Variants in CCDC9B observed in about 807,000 individuals in gnomAD.
The protein encoded by CCDC9B is coiled-coil domain containing 9B.
Under a neutral mutation model 47.2 loss-of-function variants are expected in CCDC9B, and 40 were observed. The observed-to-expected ratio is 0.85, with a 90% CI of 0.66 to 1.10. The LOEUF (loss-of-function observed/expected upper bound fraction) is 1.10, where lower values mean the gene tolerates loss of function less well. CCDC9B is among the 50% of genes least tolerant of loss of function. The pLI is 0.00. For missense variants in CCDC9B, 662 were observed against 651.0 expected, an observed-to-expected ratio of 1.02 and a Z score of -0.18; for synonymous variants, 238 against 250.7, an observed-to-expected ratio of 0.95 and a Z score of 0.48.
In CCDC9B at chr15:40,338,648, C is replaced by A. The variant is rs372252762; in HGVS notation, c.400G>T (p.Val134Leu). The A allele has an allele frequency of 3.7e-6, 6 of 1,614,140 alleles. No homozygotes were observed. Among genetic ancestry groups the A allele is most frequent in the Non-Finnish European group, 5.1e-6 (6 of 1,180,008 alleles). ...MENKAEGKRI[V>L]SEKPTRARNQ... ...CTTGCTCTGGTAGGCTTTTCACTTA[C>A]AATCCGTTTGCCCTGGGGAGGATGA... Residue 134 changes from valine (V) to leucine (L), a missense_variant, in exon 5 of 11, where the codon GTA becomes TTA. Physicochemically the swap from Val to Leu is conservative, Grantham distance 32. Transcript: ENST00000397536.
intron 3 of CCDC9B, chr15:40,339,302 G>A (rs1019610931): frequency 1.7e-6 from 1 of 598,238 alleles, no homozygotes; most frequent in Non-Finnish European, 3.0e-6. Context: ...CTGGAAAAGG[G>A]TATGAAGATG....
At chr15:40,336,288 A>G in intron 9 of CCDC9B, 1 of 985,318 alleles carries the variant, frequency 1.0e-6, no homozygotes, top group Non-Finnish European at 1.2e-6. Flanking sequence ...CAGCACCTTG[A>G]GTTCTGTGGG....
chr15:40,335,291 C>T lies in CCDC9B; in HGVS notation c.1340G>A (p.Arg447Lys). Residue 447 changes from arginine to lysine, a missense_variant, in exon 11 of 11, where the codon AGG (arginine) becomes AAG (lysine). Transcript: ENST00000397536. ...GAGLPEPGED[R>K]SGKSGAQQGL... ...CTGCTGGGCCCCAGACTTGCCAGAC[C>T]TGTCTTCTCCGGGCTCTGGGAGCCC... 1 of 1,612,324 alleles carries T rather than the reference C, an allele frequency of 6.2e-7. No homozygotes were observed. Among genetic ancestry groups the T allele is most frequent in the Non-Finnish European group, 8.5e-7 (1 of 1,178,986 alleles).
Position 40,335,028 on chromosome 15 carries a change from G to T in CCDC9B, c.*130C>A. On this transcript the variant is annotated 3_prime_UTR_variant, in exon 11 of 11. Transcript: ENST00000397536. Reference sequence around the variant, plus strand: ...GCCCTCACAAGGTCGCCATGCTGGAGAGTTTGCCACACTGCTCAGTGACAA... The same window carrying T: ...GCCCTCACAAGGTCGCCATGCTGGATAGTTTGCCACACTGCTCAGTGACAA... 1 of 833,484 alleles carries T rather than the reference G, an allele frequency of 1.2e-6. No individual in the cohort carries two copies. Among genetic ancestry groups the T allele is most frequent in the Non-Finnish European group, 1.8e-6 (1 of 555,214 alleles). 51.6% of individuals were successfully genotyped at this position (833,484 alleles called of 1,614,324 possible).
chr15:40,337,699 C>A, intron 6 of CCDC9B, 25 bp downstream of exon 6: 3 of 1,569,622 alleles, frequency 1.9e-6, no homozygotes, highest in East Asian at 2.2e-5. Flanking sequence ...GCACCACAGG[C>A]AACCTGCCCA....
In CCDC9B at chr15:40,339,608, C is replaced by T. The variant is rs1451959060; in HGVS notation, c.135G>A (p.Glu45=). 1 of 1,613,340 alleles carries T rather than the reference C, an allele frequency of 6.2e-7. No homozygotes were observed. The highest frequency in any genetic ancestry group is 1.3e-5 in the African/African-American group (1 of 75,014). ...ALLRRYQEIQ[E]DRRQAEQGGM... is the part of the protein sequence containing the mutation. Reference sequence around the variant, plus strand: ...CCCCCTGCTCTGCCTGCCGACGGTCCTCCTGGATCTCCTGTGGGAGGGCTG... The same window carrying T: ...CCCCCTGCTCTGCCTGCCGACGGTCTTCCTGGATCTCCTGTGGGAGGGCTG... The change falls in exon 3 of 11, where the codon GAG becomes GAA. Residue 45 remains glutamate, a synonymous_variant. Coordinates refer to ENST00000397536, the MANE Select transcript of CCDC9B (RefSeq NM_207380.3).
intron 3 of CCDC9B, chr15:40,339,199 TTC>T: frequency 3.4e-6 from 2 of 586,062 alleles, no homozygotes; most frequent in South Asian, 4.0e-5. Context: ...CAGCCCCAAC[TTC>T]TCTGTCCCCC....
At position 40,339,979 on chromosome 15, in the gene CCDC9B, C is replaced by T; in HGVS notation, c.49G>A (p.Glu17Lys). 6.2e-7 allele frequency: 1 copy of T among 1,613,812 alleles called. No homozygotes were observed. Among genetic ancestry groups the T allele is most frequent in the Admixed American group, 1.7e-5 (1 of 60,016 alleles). The change falls in exon 2 of 11, where the codon GAG (glutamate) becomes AAG (lysine). Residue 17 changes from glutamate to lysine, a missense_variant. Glu to Lys is a moderately conservative substitution (Grantham distance 56). Transcript: ENST00000397536. ...PRAESPMSRQEKDAELDRRIV... is the reference protein window; with the variant it reads ...PRAESPMSRQKKDAELDRRIV... ...CTCCGATCCAGCTCTGCGTCCTTCTCCTGCCTGCTCATGGGGGACTCGGCT... is the reference window on the plus strand; with the variant it reads ...CTCCGATCCAGCTCTGCGTCCTTCTTCTGCCTGCTCATGGGGGACTCGGCT...
rs1889077680 is a variant in CCDC9B, at chr15:40,340,894, G to C, written c.-75C>G. 30 of 1,608,340 alleles carry C rather than the reference G, an allele frequency of 1.9e-5. No homozygotes were observed. Among genetic ancestry groups the C allele is most frequent in the Non-Finnish European group, 2.3e-5 (27 of 1,178,356 alleles). Reference sequence around the variant, plus strand: ...AGTGGGAGGAAAGCTGGAGCCACCGGAGCCGGGCCTCTGCCGGCCTCTCCC... The same window carrying C: ...AGTGGGAGGAAAGCTGGAGCCACCGCAGCCGGGCCTCTGCCGGCCTCTCCC... On this transcript the variant is annotated 5_prime_UTR_variant, in exon 1 of 11. Coordinates refer to ENST00000397536, the MANE Select transcript of CCDC9B (RefSeq NM_207380.3).
At chr15:40,336,307 G>T in intron 9 of CCDC9B, 3 of 985,396 alleles carry the variant, frequency 3.0e-6, no homozygotes. Flanking sequence ...GGGACTCCAG[G>T]CATGTCCCCG....
In CCDC9B at chr15:40,338,817, C is replaced by T. The variant is rs369086060; in HGVS notation, c.318G>A (p.Glu106=). 9.9e-6 allele frequency: 16 copies of T among 1,614,210 alleles called. No individual in the cohort carries two copies. In the Middle Eastern group the frequency reaches 4.9e-4, roughly 50 times the overall value. Reference sequence around the variant, plus strand: ...CTAAGCAGAAAGTACCCCCGTGGTCCTCAGCATCCTCATCCTCAAGCATCT... The same window carrying T: ...CTAAGCAGAAAGTACCCCCGTGGTCTTCAGCATCCTCATCCTCAAGCATCT... ...TNEMLEDEDA[E]DHGGTFCLGE... is the part of the protein sequence containing the mutation. Residue 106 remains glutamate, a synonymous_variant, in exon 4 of 11, where the codon GAG becomes GAA. Coordinates refer to ENST00000397536, the MANE Select transcript of CCDC9B (RefSeq NM_207380.3).
In CCDC9B at chr15:40,335,471, C is replaced by A; in HGVS notation, c.1160G>T (p.Gly387Val). The change falls in exon 11 of 11, where the codon GGG (glycine) becomes GTG (valine). Residue 387 changes from glycine to valine, a missense_variant. By Grantham distance (109) the Gly-to-Val change is moderately radical (BLOSUM62 -3). Coordinates refer to ENST00000397536, the MANE Select transcript of CCDC9B (RefSeq NM_207380.3). ...DLSLGGAGIPGPRESGCVLGL... is the reference protein window; with the variant it reads ...DLSLGGAGIPVPRESGCVLGL... ...GAGCACACACCCGCTCTCCCTGGGC[C>A]CAGGGATGCCAGCCCCTCCTAGGGA... 3 of 1,595,100 alleles carry A rather than the reference C, an allele frequency of 1.9e-6. No individual in the cohort carries two copies. Among genetic ancestry groups the A allele is most frequent in the Non-Finnish European group, 2.6e-6 (3 of 1,169,628 alleles).
intron 9 of CCDC9B, 52 bp from the exon 10 acceptor site, chr15:40,335,878 T>C (rs1349838502): frequency 3.2e-6 from 5 of 1,582,396 alleles, no homozygotes; most frequent in South Asian, 1.2e-5. Flanking sequence ...TCCAGAGCCA[T>C]GTCCCCCTGC....
Position 40,332,251 on chromosome 15 carries a change from A to G in CCDC9B, c.*2907T>C, listed in dbSNP as rs1026293142. The G allele has an allele frequency of 6.6e-6, 1 of 152,198 alleles. No individual in the cohort carries two copies. Among genetic ancestry groups the G allele is most frequent in the African/African-American group, 2.4e-5 (1 of 41,432 alleles). 9.4% of individuals were successfully genotyped at this position (152,198 alleles called of 1,614,324 possible). On this transcript the variant is annotated 3_prime_UTR_variant, in exon 11 of 11. Coordinates refer to ENST00000397536, the MANE Select transcript of CCDC9B (RefSeq NM_207380.3). ...TCTTATTGCGCCTCCCTCCCACTCC[A>G]TGGCTGCTTCCATCCTACAGCAGGA...
chr15:40,335,445 C>G lies in CCDC9B; in HGVS notation c.1186G>C (p.Gly396Arg), dbSNP rs1220399575. Residue 396 changes from glycine to arginine, a missense_variant, in exon 11 of 11, where the codon GGT becomes CGT. Transcript: ENST00000397536. ...PGPRESGCVL[G>R]LRPGAQESPV... ...CTCTCCTGGGCCCCAGGCCTCAGAC[C>G]GAGCACACACCCGCTCTCCCTGGGC... 1.2e-6 allele frequency: 2 copies of G among 1,609,174 alleles called. No individual in the cohort carries two copies. Among genetic ancestry groups the G allele is most frequent in the Non-Finnish European group, 1.7e-6 (2 of 1,178,074 alleles).
intron 2 of CCDC9B, 43 bp downstream of exon 2, chr15:40,339,862 G>C (rs372955464): frequency 6.7e-7 from 1 of 1,502,360 alleles, no homozygotes; most frequent in Non-Finnish European, 9.2e-7. Context: ...CACAGGGAGC[G>C]GCAGCCAAGT....
chr15:40,334,862 G>T lies in CCDC9B; in HGVS notation c.*296C>A. The T allele has an allele frequency of 3.5e-6, 1 of 283,842 alleles. No individual in the cohort carries two copies. Among genetic ancestry groups the T allele is most frequent in the Non-Finnish European group, 6.6e-6 (1 of 152,062 alleles). The allele number at this position is 283,842 out of a possible 1,614,324, so 17.6% of individuals were successfully genotyped here. ...TCATAGTGGAGAAGGCTTGTGGCCT[G>T]GGCAGCAGTAGGCCCAGGTCAGGGT... On this transcript the variant is annotated 3_prime_UTR_variant, in exon 11 of 11. Transcript: ENST00000397536.
At chr15:40,339,020 C>A in intron 3 of CCDC9B, 117 bp from the exon 4 acceptor site, 1 of 1,153,226 alleles carries the variant, frequency 8.7e-7, no homozygotes, top group South Asian at 1.3e-5. Context: ...GCATTCCCCA[C>A]AGAAGAGCTG....
intron 5 of CCDC9B, 138 bp from the exon 6 acceptor site, chr15:40,338,031 G>A (rs1889003732): frequency 1.2e-6 from 1 of 839,544 alleles, no homozygotes; most frequent in African/African-American, 1.7e-5. Context: ...CTCTCCCGTG[G>A]AAATGGTTTC....
Sources: allele counts gnomAD v4.1 joint callset, GRCh38; gene constraint gnomAD v4.1.1; transcripts MANE v1.5; gene names NCBI Gene and HGNC (gene_info 2026-07-23, HGNC 2026-07-21).